Variants in ERBIN observed in about 807,000 individuals in gnomAD.
The protein encoded by ERBIN is erbb2 interacting protein.
Under a neutral mutation model 158.4 loss-of-function variants are expected in ERBIN, and 60 were observed. That is an observed-to-expected ratio of 0.38 (90% CI 0.31 to 0.47). The LOEUF is 0.47. Ranked by LOEUF, ERBIN falls within the 20% of genes least tolerant of loss-of-function variation. The pLI is 0.99. For synonymous variants in ERBIN, 594 were observed against 557.2 expected, an observed-to-expected ratio of 1.07 and a Z score of -0.93; for missense variants, 1,610 against 1,648.0, an observed-to-expected ratio of 0.98 and a Z score of 0.40.
At chr5:66,039,025 C>CGTGTGTGTGTGTGT (rs149165726) in intron 15 of ERBIN, among the ~76,000 whole-genome samples, 48 of 148,806 alleles carry the variant, frequency 3.2e-4, no homozygotes, top group African/African-American at 1.1e-3. Context: ...GTACTCTCTG[C>CGTGTGTGTGTGTGT]GTGTGTGTGT....
chr5:65,977,238 GCGGGGGGC>G (rs1750031733), intron 1 of ERBIN, among the ~76,000 whole-genome samples: 1 of 146,970 alleles, frequency 6.8e-6, no homozygotes, highest in African/African-American at 2.7e-5. Context: ...GGCTGGCCGG[GCGGGGGGC>G]TGACCCCCCC....
intron 1 of ERBIN, among the ~76,000 whole-genome samples, chr5:65,945,856 T>A (rs1745676828): frequency 1.3e-5 from 2 of 152,224 alleles, no homozygotes; most frequent in South Asian, 4.1e-4. Context: ...CTTGTGTATC[T>A]TTTATCCAGT....
At chr5:66,029,103 G>T (rs1756578480) in intron 14 of ERBIN, among the ~76,000 whole-genome samples, 1 of 152,072 alleles carries the variant, frequency 6.6e-6, no homozygotes, top group Non-Finnish European at 1.5e-5. Flanking sequence ...GAATTCTGCT[G>T]CAGTGAACAT....
At chr5:65,990,128 GTTTC>G (rs1288550582) in intron 2 of ERBIN, among the ~76,000 whole-genome samples, 7 of 152,134 alleles carry the variant, frequency 4.6e-5, no homozygotes, top group Non-Finnish European at 7.4e-5. Context: ...TGACATCTGA[GTTTC>G]TTTTTTTAAA....
At chr5:66,073,885 TG>T (rs1761743071) in intron 22 of ERBIN, among the ~76,000 whole-genome samples, 1 of 152,000 alleles carries the variant, frequency 6.6e-6, no homozygotes, top group African/African-American at 2.4e-5. Flanking sequence ...ACCTCTTTTT[TG>T]TTGTTGTTTA....
chr5:65,977,610 A>G (rs958797656), intron 1 of ERBIN, among the ~76,000 whole-genome samples: 1 of 149,688 alleles, frequency 6.7e-6, no homozygotes, highest in African/African-American at 2.5e-5. Context: ...GCGGCTGGGA[A>G]GAGGCGCTCC....
intron 20 of ERBIN, among the ~76,000 whole-genome samples, chr5:66,052,103 G>A (rs1467891300): frequency 1.3e-5 from 2 of 151,778 alleles, no homozygotes; most frequent in Non-Finnish European, 2.9e-5. Flanking sequence ...AGGCCAAGGT[G>A]GGAGGTTAAC....
At chr5:65,932,759 C>T (rs1743595651) in intron 1 of ERBIN, among the ~76,000 whole-genome samples, 1 of 152,116 alleles carries the variant, frequency 6.6e-6, no homozygotes, top group Non-Finnish European at 1.5e-5. Flanking sequence ...GTTTTTGGAA[C>T]AGAGTTTCTA....
At chr5:66,076,076 A>G (rs1004479132) in intron 23 of ERBIN, 11 of 470,444 alleles carry the variant, frequency 2.3e-5, no homozygotes, top group African/African-American at 1.2e-4. Context: ...TTATCCTCAT[A>G]AGACAAGCAA....
chr5:65,939,541 C>G (rs1744533413), intron 1 of ERBIN, among the ~76,000 whole-genome samples: 1 of 152,016 alleles, frequency 6.6e-6, no homozygotes, highest in Admixed American at 6.5e-5. Context: ...TCCCCCCTCT[C>G]CCTCTCCCCA....
chr5:65,987,395 C>CACACACACACACACACACACAT (rs1554053523), intron 1 of ERBIN, among the ~76,000 whole-genome samples: 2 of 151,166 alleles, frequency 1.3e-5, no homozygotes, highest in African/African-American at 4.9e-5. Context: ...CACACACACA[C>CACACACACACACACACACACAT]GAAAAAAGAA....
At position 66,054,560 on chromosome 5, in the gene ERBIN, C is replaced by T. The variant is rs1206989401; in HGVS notation, c.3242C>T (p.Ser1081Phe). 13 of 1,614,018 alleles carry T rather than the reference C, an allele frequency of 8.1e-6. No individual in the cohort carries two copies. The highest frequency in any genetic ancestry group is 1.3e-5 in the African/African-American group (1 of 74,900). Residue 1081 changes from serine to phenylalanine, a missense_variant, in exon 21 of 26, where the codon TCC (serine) becomes TTC (phenylalanine). By Grantham distance (155) the Ser-to-Phe change is radical. Around this residue, in one of 2 missense-constraint regions of ERBIN, gnomAD observed 1,014 missense variants for 936.1 expected, o/e 1.08. Transcript: ENST00000284037. ...RSTIQRQSSV[S>F]STASVNLGDP... ...ACAATCCAGCGACAAAGTAGTGTGT[C>T]CTCCACAGCCTCTGTAAATCTTGGT...
At chr5:66,006,124 G>A (rs149182453) in intron 4 of ERBIN, among the ~76,000 whole-genome samples, 4,037 of 152,164 alleles carry the variant, frequency 0.027, 181 homozygotes, top group African/African-American at 0.093. Flanking sequence ...GAGGCATCAC[G>A]CTACCTGACT....
chr5:65,929,636 TC>T (rs1268585146), intron 1 of ERBIN, among the ~76,000 whole-genome samples: 1 of 145,050 alleles, frequency 6.9e-6, no homozygotes, highest in African/African-American at 2.8e-5. Flanking sequence ...TGTCTTTTCC[TC>T]TTTTTTTTTT....
chr5:65,940,579 C>T (rs1394436605), intron 1 of ERBIN, among the ~76,000 whole-genome samples: 1 of 135,438 alleles, frequency 7.4e-6, no homozygotes, highest in Non-Finnish European at 1.6e-5. Context: ...CGCCTCTGCC[C>T]GGCCGCCCCT....
chr5:65,993,478 G>GT (rs927225062), intron 3 of ERBIN, among the ~76,000 whole-genome samples: 11 of 149,330 alleles, frequency 7.4e-5, no homozygotes, highest in South Asian at 2.1e-4. Context: ...TTATCACCTT[G>GT]TTTTTTTTTC....
At chr5:66,033,885 G>C (rs1757130904) in intron 14 of ERBIN, among the ~76,000 whole-genome samples, 1 of 152,080 alleles carries the variant, frequency 6.6e-6, no homozygotes, top group South Asian at 2.1e-4. Context: ...GAGGCGGGTG[G>C]ATCACCTGAG....
At chr5:66,052,197 CAAAAA>C (rs200101195) in intron 20 of ERBIN, among the ~76,000 whole-genome samples, 2 of 59,266 alleles carry the variant, frequency 3.4e-5, no homozygotes, top group Admixed American at 1.9e-4. Context: ...GACCCGGTCT[CAAAAA>C]AAAAAAAAAA....
chr5:66,033,459 CAAGTT>C (rs367687096), intron 14 of ERBIN, among the ~76,000 whole-genome samples: 43 of 152,222 alleles, frequency 2.8e-4, no homozygotes, highest in African/African-American at 8.9e-4. Flanking sequence ...ATGATGGACT[CAAGTT>C]AAGAGTGAAG....
Sources: allele counts gnomAD v4.1 joint callset (sites outside exome capture counted in the v4.1 genomes callset), GRCh38; gene constraint gnomAD v4.1.1; regional missense constraint gnomAD v4.1.1; transcripts MANE v1.5; gene names NCBI Gene and HGNC (gene_info 2026-07-23, HGNC 2026-07-21).